SLC4A10: variants seen among roughly 807,000 people sequenced by gnomAD.
SLC4A10 encodes sodium-driven chloride bicarbonate exchanger.
In SLC4A10, 42 loss-of-function variants were observed where a neutral mutation model predicts 137.7. The ratio of observed to expected loss-of-function variants is 0.30; its 90% confidence interval spans 0.24 to 0.39. SLC4A10 has a LOEUF of 0.39. Among genes scored for constraint, SLC4A10 ranks in the 10% least tolerant of loss-of-function variants. The pLI is 1.00. For synonymous variants in SLC4A10, 474 were observed against 464.1 expected (o/e 1.02, Z -0.27); for missense variants, 925 against 1,355.0 (o/e 0.68, Z 4.98).
chr2:161,832,919 T>A (rs2058528836), intron 3 of SLC4A10, among the ~76,000 whole-genome samples: 1 of 152,140 alleles, frequency 6.6e-6, no homozygotes, highest in South Asian at 2.1e-4. Context: ...TTTTTGTATT[T>A]TTAGTAGAGA....
intron 1 of SLC4A10, among the ~76,000 whole-genome samples, chr2:161,627,641 C>T (rs979018596): frequency 6.6e-6 from 1 of 151,970 alleles, no homozygotes; most frequent in Non-Finnish European, 1.5e-5. Context: ...TTTTCCCAGT[C>T]CTTCTTAGGA....
In SLC4A10 at chr2:161,976,754, G is replaced by T. The variant is rs546795676; in HGVS notation, c.3228-6G>T. 4 of 1,503,784 alleles carry T rather than the reference G, an allele frequency of 2.7e-6. No homozygotes were observed. The highest frequency in any genetic ancestry group is 3.6e-6 in the Non-Finnish European group (4 of 1,109,764). 93.2% of individuals were successfully genotyped at this position (1,503,784 alleles called of 1,614,324 possible). ...TATTATTTCATTTGGGGAAACTCCT[G>T]TCTAGAGATGATCCATCTGTGATCA... On this transcript the variant is annotated splice_polypyrimidine_tract_variant and splice_region_variant and intron_variant, in intron 24 of 26. Coordinates refer to ENST00000446997, the MANE Select transcript of SLC4A10 (RefSeq NM_001178015.2).
At chr2:161,887,964 C>G (rs931285729) in intron 10 of SLC4A10, among the ~76,000 whole-genome samples, 1 of 152,106 alleles carries the variant, frequency 6.6e-6, no homozygotes, top group African/African-American at 2.4e-5. Context: ...TTTAATCCAT[C>G]TTGAATTAAT....
rs73005139 is a variant in SLC4A10, at chr2:161,757,633, C to G, written c.49-13340C>G. Among the ~76,000 whole-genome samples the G allele has an allele frequency of 6.2e-3, 950 of 152,206 alleles. 10 individuals are homozygous for G. Among genetic ancestry groups the G allele is most frequent in the African/African-American group, 0.022 (901 of 41,530 alleles). ...GTGGCTAAATAAGTAAGTGTCAGAA[C>G]TGGATGTGAACCTTGGCGGTCTGGT... On this transcript the variant is annotated intron_variant, in intron 1 of 26. Transcript: ENST00000446997.
intron 1 of SLC4A10, among the ~76,000 whole-genome samples, chr2:161,696,827 C>T (rs186527953): frequency 8.4e-4 from 128 of 152,120 alleles, no homozygotes; most frequent in African/African-American, 3.0e-3. Flanking sequence ...ACCCAGCAAT[C>T]CCATTGCTGG....
intron 15 of SLC4A10, among the ~76,000 whole-genome samples, chr2:161,922,176 G>A (rs1688263181): frequency 1.3e-5 from 2 of 152,126 alleles, no homozygotes; most frequent in Admixed American, 6.6e-5. Context: ...CTAAGGAGAG[G>A]ATATGTCTAT....
intron 1 of SLC4A10, among the ~76,000 whole-genome samples, chr2:161,714,960 T>C (rs2044683535): frequency 6.6e-6 from 1 of 152,032 alleles, no homozygotes; most frequent in Non-Finnish European, 1.5e-5. Flanking sequence ...AATATGTATG[T>C]GTATATTTGT....
At chr2:161,654,813 G>A (rs1301454615) in intron 1 of SLC4A10, among the ~76,000 whole-genome samples, 1 of 151,984 alleles carries the variant, frequency 6.6e-6, no homozygotes, top group African/African-American at 2.4e-5. Flanking sequence ...GGAGTGTGGT[G>A]CCTCCAGTTT....
At chr2:161,739,520 A>G (rs372677154) in intron 1 of SLC4A10, among the ~76,000 whole-genome samples, 2 of 152,128 alleles carry the variant, frequency 1.3e-5, no homozygotes, top group African/African-American at 4.8e-5. Context: ...GTGTAATATT[A>G]TCTGTGTTTT....
chr2:161,936,140 T>C (rs2105698900), intron 15 of SLC4A10, among the ~76,000 whole-genome samples: 1 of 152,310 alleles, frequency 6.6e-6, no homozygotes, highest in East Asian at 1.9e-4. Context: ...ATATCTCACT[T>C]GATCATGATG....
intron 1 of SLC4A10, among the ~76,000 whole-genome samples, chr2:161,652,045 T>C (rs2036873584): frequency 1.3e-5 from 2 of 152,236 alleles, no homozygotes; most frequent in Admixed American, 6.5e-5. Context: ...TAAAGTAATG[T>C]CTGCCAGTTT....
chr2:161,856,229 A>G (rs895128674), intron 5 of SLC4A10, among the ~76,000 whole-genome samples: 10 of 152,058 alleles, frequency 6.6e-5, no homozygotes, highest in African/African-American at 2.4e-4. Flanking sequence ...TTGATGGCAC[A>G]TTTATCACCT....
At chr2:161,897,241 G>A (rs1160940195) in intron 11 of SLC4A10, among the ~76,000 whole-genome samples, 1 of 152,034 alleles carries the variant, frequency 6.6e-6, no homozygotes, top group African/African-American at 2.4e-5. Flanking sequence ...TTAAATTGCA[G>A]GCATGAGTAT....
At chr2:161,949,362 G>C in intron 18 of SLC4A10, 101 bp downstream of exon 18, 1 of 735,238 alleles carries the variant, frequency 1.4e-6, no homozygotes, top group South Asian at 2.1e-5. Context: ...AAAATATGAA[G>C]AATTTAGATT....
In SLC4A10 at chr2:161,984,196, G is replaced by T. The variant is rs1700566442; in HGVS notation, c.*1044G>T. The T allele has an allele frequency of 6.7e-6, 1 of 149,240 alleles. No homozygotes were observed. The highest frequency in any genetic ancestry group is 1.5e-5 in the Non-Finnish European group (1 of 67,034). 9.2% of individuals were successfully genotyped at this position (149,240 alleles called of 1,614,324 possible). On this transcript the variant is annotated 3_prime_UTR_variant, in exon 27 of 27. Coordinates refer to ENST00000446997, the MANE Select transcript of SLC4A10 (RefSeq NM_001178015.2). ...CCAATTGTCATTTTTTTTCTGCAGAGTTTTTTTTTTCCACTTTTAAATTAA... is the reference window on the plus strand; with the variant it reads ...CCAATTGTCATTTTTTTTCTGCAGATTTTTTTTTTTCCACTTTTAAATTAA...
chr2:161,659,858 G>T (rs1437942930), intron 1 of SLC4A10, among the ~76,000 whole-genome samples: 1 of 152,150 alleles, frequency 6.6e-6, no homozygotes, highest in Non-Finnish European at 1.5e-5. Flanking sequence ...GCTACGATAT[G>T]AATGAACCAT....
At chr2:161,830,998 T>A (rs1161900832) in intron 3 of SLC4A10, among the ~76,000 whole-genome samples, 7 of 152,136 alleles carry the variant, frequency 4.6e-5, no homozygotes, top group Admixed American at 4.6e-4. Context: ...TGTGCCAAAG[T>A]ATACTACATT....
intron 9 of SLC4A10, among the ~76,000 whole-genome samples, chr2:161,880,123 GC>G (rs1314308843): frequency 1.3e-5 from 2 of 152,062 alleles, no homozygotes; most frequent in African/African-American, 2.4e-5. Flanking sequence ...AATGCAGATA[GC>G]CTTTTACTCT....
At chr2:161,903,299 T>C (rs1327836451) in intron 12 of SLC4A10, among the ~76,000 whole-genome samples, 2 of 152,180 alleles carry the variant, frequency 1.3e-5, no homozygotes, top group East Asian at 3.9e-4. Flanking sequence ...TGCTGGGATA[T>C]GTTAACGCAA....
Sources: gnomAD v4.1 joint callset for allele counts (sites outside exome capture counted in the v4.1 genomes callset) on GRCh38, gnomAD v4.1.1 for gene constraint, MANE v1.5 for transcripts, NCBI Gene and HGNC (gene_info 2026-07-23, HGNC 2026-07-21) for gene names.